Variants in MPDZ observed in about 807,000 individuals in gnomAD.
MPDZ encodes multiple PDZ domain protein.
A neutral mutation model predicts 239.1 loss-of-function variants in MPDZ; 234 were observed. The observed-to-expected ratio is 0.98, with a 90% CI of 0.88 to 1.09. MPDZ has a LOEUF of 1.09. Among genes scored for constraint, MPDZ ranks in the 50% least tolerant of loss-of-function variants. The pLI is 0.00. For synonymous variants in MPDZ, 1,048 were observed against 881.3 expected (o/e 1.19, Z -3.35); for missense variants, 3,175 against 2,510.0 (o/e 1.26, Z -5.66).
chr9:13,245,321 T>A (rs1341122628), intron 3 of MPDZ, among the ~76,000 whole-genome samples: 2 of 150,362 alleles, frequency 1.3e-5, no homozygotes, highest in African/African-American at 4.9e-5. Flanking sequence ...AATGGAGATT[T>A]AAAAAACGAA....
At chr9:13,181,923 G>C (rs1953393143) in intron 19 of MPDZ, among the ~76,000 whole-genome samples, 1 of 152,056 alleles carries the variant, frequency 6.6e-6, no homozygotes, top group African/African-American at 2.4e-5. Flanking sequence ...ACACATTCCA[G>C]ACAGGACACA....
chr9:13,216,730 C>T (rs367612763), intron 10 of MPDZ, 44 bp downstream of exon 10: 2 of 1,419,986 alleles, frequency 1.4e-6, no homozygotes, highest in African/African-American at 1.4e-5. Context: ...ATACAATTCT[C>T]AACCATGAAA....
At chr9:13,169,549 T>C (rs1357871331) in intron 21 of MPDZ, among the ~76,000 whole-genome samples, 2 of 152,126 alleles carry the variant, frequency 1.3e-5, no homozygotes, top group Non-Finnish European at 2.9e-5. Flanking sequence ...AGGCAACACC[T>C]TCTCTTGCCT....
Position 13,224,454 on chromosome 9 carries a change from G to A in MPDZ, c.313C>T (p.Leu105Phe). The A allele has an allele frequency of 6.2e-7, 1 of 1,613,008 alleles. No individual in the cohort carries two copies. Among genetic ancestry groups the A allele is most frequent in the Non-Finnish European group, 8.5e-7 (1 of 1,179,334 alleles). ...LSPNNGNLEA[L>F]TGPGIPHING... The stretch of plus-strand genomic sequence containing the variant: ...ATGTGTGGAATACCAGGTCCTGTAA[G>A]TGCTTCCAGATTCCCATTGTTTGGG... The change falls in exon 4 of 47, where the codon CTT becomes TTT. Residue 105 changes from leucine (L) to phenylalanine (F), a missense_variant. Transcript: ENST00000319217.
intron 25 of MPDZ, 96 bp downstream of exon 25, chr9:13,150,415 A>C: frequency 1.0e-6 from 1 of 965,812 alleles, no homozygotes; most frequent in Non-Finnish European, 1.4e-6. Context: ...TAGCACATGT[A>C]CCCTAAAACT....
chr9:13,204,592 A>C (rs542354424), intron 12 of MPDZ, among the ~76,000 whole-genome samples: 1 of 152,250 alleles, frequency 6.6e-6, no homozygotes, highest in East Asian at 1.9e-4. Flanking sequence ...AAGTGATAAA[A>C]AGCCTCCCAA....
intron 38 of MPDZ, chr9:13,119,859 T>A (rs1944066012): frequency 1.7e-6 from 1 of 578,364 alleles, no homozygotes; most frequent in Non-Finnish European, 3.0e-6. Flanking sequence ...ATTAAAATGA[T>A]CTCCAATAAG....
intron 3 of MPDZ, among the ~76,000 whole-genome samples, chr9:13,228,006 G>T (rs981634384): frequency 2.6e-5 from 4 of 152,128 alleles, no homozygotes; most frequent in African/African-American, 9.7e-5. Context: ...GAATACGAGT[G>T]TATCTTATTT....
intron 43 of MPDZ, among the ~76,000 whole-genome samples, chr9:13,111,705 T>C (rs1457015985): frequency 6.6e-6 from 1 of 152,200 alleles, no homozygotes; most frequent in Non-Finnish European, 1.5e-5. Flanking sequence ...ATATATAAGA[T>C]AAAAATTTCA....
At chr9:13,165,336 C>T (rs1367377683) in intron 22 of MPDZ, 3 of 1,546,914 alleles carry the variant, frequency 1.9e-6, no homozygotes, top group Non-Finnish European at 2.6e-6. Flanking sequence ...AACACACAGC[C>T]ATAATGAGCT....
rs1443386605 is a variant in MPDZ, at chr9:13,133,901, C to T, written c.4387G>A (p.Glu1463Lys). The T allele has an allele frequency of 1.3e-6, 2 of 1,561,862 alleles. No homozygotes were observed. Among genetic ancestry groups the T allele is most frequent in the African/African-American group, 1.4e-5 (1 of 73,540 alleles). Reference sequence around the variant, plus strand: ...GCATCAGAAGTAGTAACAGTTGGCTCTGTCTGACAGAGGGAAAGAAATGAC... The same window carrying T: ...GCATCAGAAGTAGTAACAGTTGGCTTTGTCTGACAGAGGGAAAGAAATGAC... ...NSENLQNKET[E>K]PTVTTSDAAV... Residue 1463 changes from glutamate (E) to lysine (K), a missense_variant, in exon 32 of 47, where the codon GAG (glutamate) becomes AAG (lysine). Physicochemically the swap from Glu to Lys is moderately conservative, Grantham distance 56. Coordinates refer to ENST00000319217, the MANE Select transcript of MPDZ (RefSeq NM_001378778.1).
At chr9:13,111,242 G>C (rs1441362610) in intron 43 of MPDZ, among the ~76,000 whole-genome samples, 1 of 152,204 alleles carries the variant, frequency 6.6e-6, no homozygotes, top group Non-Finnish European at 1.5e-5. Flanking sequence ...AGTTGCAACA[G>C]AGACTCACAG....
intron 30 of MPDZ, among the ~76,000 whole-genome samples, chr9:13,136,508 A>T (rs1476697288): frequency 6.6e-6 from 1 of 150,798 alleles, no homozygotes; most frequent in African/African-American, 2.4e-5. Context: ...ATTTTTTTTT[A>T]GTAGAGACGG....
intron 22 of MPDZ, among the ~76,000 whole-genome samples, chr9:13,166,311 C>A (rs1445253092): frequency 6.6e-6 from 1 of 152,110 alleles, no homozygotes. Flanking sequence ...TGGTAAGGGC[C>A]AAAAACACTT....
At chr9:13,148,979 T>C (rs1371851037) in intron 25 of MPDZ, among the ~76,000 whole-genome samples, 1 of 151,018 alleles carries the variant, frequency 6.6e-6, no homozygotes, top group Non-Finnish European at 1.5e-5. Context: ...ACCATTCTTG[T>C]CTACAAAAAA....
intron 19 of MPDZ, among the ~76,000 whole-genome samples, chr9:13,178,865 C>T (rs769005653): frequency 5.9e-5 from 9 of 152,054 alleles, no homozygotes; most frequent in Admixed American, 1.3e-4. Context: ...TGTGCTTTTG[C>T]GTTTTATATA....
chr9:13,271,178 A>G (rs1227380728), intron 1 of MPDZ, among the ~76,000 whole-genome samples: 1 of 152,134 alleles, frequency 6.6e-6, no homozygotes, highest in Non-Finnish European at 1.5e-5. Context: ...TAAACTATTG[A>G]CTTACATATT....
intron 23 of MPDZ, among the ~76,000 whole-genome samples, chr9:13,161,601 T>C (rs1212799686): frequency 1.3e-5 from 2 of 152,048 alleles, no homozygotes; most frequent in Admixed American, 6.6e-5. Context: ...AGAACTCTCT[T>C]CTGAGAAGAC....
Position 13,123,173 on chromosome 9 carries a change from C to G in MPDZ, c.4933G>C (p.Gly1645Arg). ...CTCACCAGCAGCGTGTCTGAACCCCCAACGATGCTCAGGCCCAGCCCTGTT... is the reference window on the plus strand; with the variant it reads ...CTCACCAGCAGCGTGTCTGAACCCCGAACGATGCTCAGGCCCAGCCCTGTT... Reference protein sequence around the residue: ...GRTGLGLSIVGGSDTLLGAII... With the variant: ...GRTGLGLSIVRGSDTLLGAII... The change falls in exon 36 of 47, where the codon GGG becomes CGG. Residue 1645 changes from glycine (G) to arginine (R), a missense_variant. Transcript: ENST00000319217. The G allele has an allele frequency of 6.2e-7, 1 of 1,612,514 alleles. No individual in the cohort carries two copies. The highest frequency in any genetic ancestry group is 8.5e-7 in the Non-Finnish European group (1 of 1,179,652).
Sources: gnomAD v4.1 joint callset for allele counts (sites outside exome capture counted in the v4.1 genomes callset) on GRCh38, gnomAD v4.1.1 for gene constraint, MANE v1.5 for transcripts, NCBI Gene and HGNC (gene_info 2026-07-23, HGNC 2026-07-21) for gene names.